The following ADARB2 variants were observed in gnomAD, a reference collection of about 807,000 sequenced individuals.
ADARB2 encodes the protein inactive double-stranded RNA-specific editase B2.
A neutral mutation model predicts 62.2 loss-of-function variants in ADARB2; 25 were observed. The ratio of observed to expected loss-of-function variants is 0.40; its 90% CI spans 0.29 to 0.56. ADARB2 has a LOEUF of 0.56. Ranked by LOEUF, ADARB2 falls within the 20% of genes least tolerant of loss-of-function variation. The pLI, the probability that ADARB2 is intolerant of heterozygous loss-of-function variation, is 0.43. For missense variants in ADARB2, 1,071 were observed against 1,077.4 expected, an observed-to-expected ratio of 0.99 and a Z score of 0.08; for synonymous variants, 572 against 500.8, an observed-to-expected ratio of 1.14 and a Z score of -1.90.
chr10:1,205,820 C>G (rs1299307436), intron 7 of ADARB2, among the ~76,000 whole-genome samples: 6 of 152,236 alleles, frequency 3.9e-5, no homozygotes, highest in African/African-American at 1.4e-4. Flanking sequence ...AGATGCCATC[C>G]TGACTGCTGA....
At chr10:1,707,994 G>C (rs2133474) in intron 1 of ADARB2, among the ~76,000 whole-genome samples, 84,242 of 151,986 alleles carry the variant, frequency 0.55, 24,982 homozygotes, top group South Asian at 0.75. Context: ...TCTACAATGT[G>C]TTAAAGCCTA....
chr10:1,672,670 C>T (rs1204846217), intron 1 of ADARB2, among the ~76,000 whole-genome samples: 5 of 151,006 alleles, frequency 3.3e-5, no homozygotes. Context: ...TCCTGCCTCC[C>T]TCCACGCACG....
intron 1 of ADARB2, among the ~76,000 whole-genome samples, chr10:1,636,686 A>C (rs1413021747): frequency 6.6e-6 from 1 of 151,004 alleles, no homozygotes; most frequent in Non-Finnish European, 1.5e-5. Context: ...ATGTAGATAG[A>C]TATCTATCTA....
intron 1 of ADARB2, among the ~76,000 whole-genome samples, chr10:1,380,462 T>C (rs762177549): frequency 6.6e-6 from 1 of 152,274 alleles, no homozygotes; most frequent in Non-Finnish European, 1.5e-5. Context: ...TGGCACTGTA[T>C]ACCTCCTTCA....
chr10:1,585,763 G>T (rs755851560), intron 1 of ADARB2, among the ~76,000 whole-genome samples: 4 of 152,156 alleles, frequency 2.6e-5, no homozygotes, highest in Non-Finnish European at 4.4e-5. Context: ...GTCTGGGTGC[G>T]GTGTCTCACA....
intron 1 of ADARB2, among the ~76,000 whole-genome samples, chr10:1,557,616 C>T (rs898994178): frequency 6.6e-6 from 1 of 152,174 alleles, no homozygotes; most frequent in Non-Finnish European, 1.5e-5. Flanking sequence ...ATCAAAAGAA[C>T]TTCCGGGCCG....
intron 1 of ADARB2, among the ~76,000 whole-genome samples, chr10:1,712,766 G>A (rs1009841131): frequency 3.5e-5 from 3 of 85,110 alleles, no homozygotes; most frequent in Non-Finnish European, 6.7e-5. Flanking sequence ...CCACCACGAC[G>A]CCCAACTAAT....
intron 1 of ADARB2, among the ~76,000 whole-genome samples, chr10:1,718,325 G>T (rs7094290): frequency 1.3e-5 from 2 of 152,022 alleles, no homozygotes; most frequent in African/African-American, 4.8e-5. Context: ...CATCCAGAAC[G>T]TGGTCCCACC....
At chr10:1,273,423 G>A (rs1831283606) in intron 3 of ADARB2, among the ~76,000 whole-genome samples, 1 of 152,120 alleles carries the variant, frequency 6.6e-6, no homozygotes, top group African/African-American at 2.4e-5. Context: ...ACTGGGCCAG[G>A]CCCCTGTGAT....
Position 1,363,237 on chromosome 10 carries a change from GC to G in ADARB2, c.867del (p.Leu290CysfsTer18). ...PVVLLNRLRA[G>X]LRYVCLAEPA... ...GGTTCTGCCAGACACACGTAGCGCA[GC>G]CCGGCGCGCAGGCGGTTCAGCAGCA... is the stretch of plus-strand genomic sequence containing the variant. On this transcript the variant is annotated frameshift_variant, in exon 3 of 10. Coordinates refer to ENST00000381312, the MANE Select transcript of ADARB2 (RefSeq NM_018702.4). LOFTEE classifies it high-confidence loss of function. 7.2e-7 allele frequency: 1 copy of G among 1,383,150 alleles called. No homozygotes were observed. The highest frequency in any genetic ancestry group is 2.9e-5 in the Admixed American group (1 of 34,700). 85.7% of individuals were successfully genotyped at this position (1,383,150 alleles called of 1,614,324 possible).
At chr10:1,703,243 C>A (rs909317114) in intron 1 of ADARB2, among the ~76,000 whole-genome samples, 1 of 152,018 alleles carries the variant, frequency 6.6e-6, no homozygotes, top group African/African-American at 2.4e-5. Context: ...GCATAAATAG[C>A]AAGGGGGTGG....
At chr10:1,474,920 C>A (rs777989951) in intron 1 of ADARB2, among the ~76,000 whole-genome samples, 42 of 152,266 alleles carry the variant, frequency 2.8e-4, no homozygotes, top group Non-Finnish European at 5.4e-4. Context: ...CTGGACCGAG[C>A]CCGGGGCCTC....
At chr10:1,490,643 T>C (rs1831610432) in intron 1 of ADARB2, among the ~76,000 whole-genome samples, 1 of 152,108 alleles carries the variant, frequency 6.6e-6, no homozygotes, top group African/African-American at 2.4e-5. Context: ...TTAGTAGAGA[T>C]GGGGTTTCTC....
chr10:1,666,257 CA>C (rs1445949617), intron 1 of ADARB2, among the ~76,000 whole-genome samples: 1 of 152,240 alleles, frequency 6.6e-6, no homozygotes, highest in African/African-American at 2.4e-5. Flanking sequence ...TGAGATAGCA[CA>C]GCCCCGAGGG....
At chr10:1,437,114 A>G (rs1451307967) in intron 1 of ADARB2, among the ~76,000 whole-genome samples, 2 of 152,334 alleles carry the variant, frequency 1.3e-5, no homozygotes, top group Admixed American at 1.3e-4. Context: ...TTTGTAAAAA[A>G]ATGTACAAAC....
At chr10:1,481,817 A>C (rs571472663) in intron 1 of ADARB2, among the ~76,000 whole-genome samples, 1 of 150,224 alleles carries the variant, frequency 6.7e-6, no homozygotes, top group South Asian at 2.1e-4. Context: ...AGATTGTGCC[A>C]CTGCACTCCA....
At chr10:1,580,250 T>C (rs1234254196) in intron 1 of ADARB2, among the ~76,000 whole-genome samples, 3 of 152,180 alleles carry the variant, frequency 2.0e-5, no homozygotes, top group East Asian at 1.9e-4. Context: ...AGATGGTTTT[T>C]CAATCCTTGC....
intron 1 of ADARB2, among the ~76,000 whole-genome samples, chr10:1,553,794 C>T (rs978138100): frequency 1.3e-5 from 2 of 152,272 alleles, no homozygotes; most frequent in Non-Finnish European, 1.5e-5. Flanking sequence ...GCGCAGCGAC[C>T]GTGGCAGGAA....
At chr10:1,675,918 C>T (rs1834461715) in intron 1 of ADARB2, 12 of 854,672 alleles carry the variant, frequency 1.4e-5, no homozygotes, top group East Asian at 1.2e-4. Context: ...CAGAGGTCCG[C>T]GTGGGTCAGA....
Sources: gnomAD v4.1 joint callset for allele counts (sites outside exome capture counted in the v4.1 genomes callset) on GRCh38, gnomAD v4.1.1 for gene constraint, MANE v1.5 for transcripts, NCBI Gene and HGNC (gene_info 2026-07-23, HGNC 2026-07-21) for gene names.